POFUT3: variants seen among roughly 807,000 people sequenced by gnomAD.
The protein encoded by POFUT3 is protein O-fucosyltransferase 3.
chr8:33,397,370 G>A, the POFUT3 span, among the ~76,000 whole-genome samples: 1 of 152,154 alleles, frequency 6.6e-6, no homozygotes, highest in Non-Finnish European at 1.5e-5. Context: ...GCTCTTGGGG[G>A]TGAGTTAACC....
chr8:33,446,764 T>C, the POFUT3 span, among the ~76,000 whole-genome samples: 2 of 152,198 alleles, frequency 1.3e-5, no homozygotes, highest in Non-Finnish European at 2.9e-5. Flanking sequence ...ATTATAAGCA[T>C]GAATCTCCTA....
chr8:33,313,118 G>A, the POFUT3 span, among the ~76,000 whole-genome samples: 1 of 152,062 alleles, frequency 6.6e-6, no homozygotes, highest in Non-Finnish European at 1.5e-5. Flanking sequence ...TTTCTAATAG[G>A]TGAAAATCAT....
chr8:33,333,217 A>C, the POFUT3 span, among the ~76,000 whole-genome samples: 1 of 152,220 alleles, frequency 6.6e-6, no homozygotes, highest in Non-Finnish European at 1.5e-5. Flanking sequence ...GGACTTAAGC[A>C]AAAGGATCAG....
chr8:33,394,342 T>C, the POFUT3 span: 2 of 158,400 alleles, frequency 1.3e-5, no homozygotes, highest in African/African-American at 4.8e-5. Flanking sequence ...TTCCCATCCA[T>C]CCACTCAGGA....
the POFUT3 span, among the ~76,000 whole-genome samples, chr8:33,368,420 T>C: frequency 6.6e-6 from 1 of 152,194 alleles, no homozygotes; most frequent in African/African-American, 2.4e-5. Context: ...TGAGGCCACA[T>C]TTTACTAGTG....
chr8:33,458,841 T>G, the POFUT3 span, among the ~76,000 whole-genome samples: 1 of 152,172 alleles, frequency 6.6e-6, no homozygotes, highest in African/African-American at 2.4e-5. Flanking sequence ...AAGAGACACA[T>G]GTTGCCTCTC....
chr8:33,378,709 G>A, the POFUT3 span, among the ~76,000 whole-genome samples: 1 of 152,162 alleles, frequency 6.6e-6, no homozygotes, highest in Non-Finnish European at 1.5e-5. Context: ...AGCTGAGGGT[G>A]GAGGAGAAAT....
chr8:33,405,141 C>G, the POFUT3 span, among the ~76,000 whole-genome samples: 4 of 152,138 alleles, frequency 2.6e-5, no homozygotes, highest in South Asian at 8.3e-4. Flanking sequence ...CCCACCAGAC[C>G]AGAAGCCCTC....
chr8:33,334,075 CT>C, the POFUT3 span, among the ~76,000 whole-genome samples: 4 of 152,196 alleles, frequency 2.6e-5, no homozygotes, highest in Admixed American at 1.3e-4. Flanking sequence ...TAACTTTATT[CT>C]CTTGGCCAAC....
At chr8:33,341,330 G>A in the POFUT3 span, among the ~76,000 whole-genome samples, 4 of 151,480 alleles carry the variant, frequency 2.6e-5, no homozygotes, top group Non-Finnish European at 5.9e-5. Context: ...AGCTACTTGG[G>A]AGGATGAGGC....
the POFUT3 span, among the ~76,000 whole-genome samples, chr8:33,406,522 G>A: frequency 3.2e-4 from 48 of 152,000 alleles, no homozygotes; most frequent in Non-Finnish European, 5.1e-4. Context: ...CTGCAGCCTT[G>A]ACCTCCCAGG....
chr8:33,421,548 T>C, the POFUT3 span, among the ~76,000 whole-genome samples: 1 of 152,060 alleles, frequency 6.6e-6, no homozygotes, highest in Non-Finnish European at 1.5e-5. Context: ...AATGGGGAAA[T>C]GTGTCTGAGT....
the POFUT3 span, among the ~76,000 whole-genome samples, chr8:33,380,621 G>A: frequency 6.6e-6 from 1 of 151,866 alleles, no homozygotes; most frequent in African/African-American, 2.4e-5. Flanking sequence ...AGGATTGCTT[G>A]AGGTCAGAAG....
the POFUT3 span, among the ~76,000 whole-genome samples, chr8:33,409,530 A>G: frequency 6.6e-6 from 1 of 152,242 alleles, no homozygotes; most frequent in Non-Finnish European, 1.5e-5. Context: ...TGGAAAATGT[A>G]CAGATTCCTT....
At chr8:33,380,029 TATATATATACG>T in the POFUT3 span, among the ~76,000 whole-genome samples, 3,229 of 76,976 alleles carry the variant, frequency 0.042, 619 homozygotes, top group South Asian at 0.1. Context: ...ATATATATAC[TATATATATACG>T]ATATATATAC....
the POFUT3 span, chr8:33,461,509 G>A: frequency 5.6e-6 from 9 of 1,611,470 alleles, no homozygotes; most frequent in East Asian, 2.2e-5. Context: ...GTGTTCTCTC[G>A]TCAGCCCAGA....
the POFUT3 span, among the ~76,000 whole-genome samples, chr8:33,350,246 T>C: frequency 6.6e-6 from 1 of 152,216 alleles, no homozygotes; most frequent in Admixed American, 6.5e-5. Context: ...TCCTTTGCTG[T>C]GCAGAAGCTT....
chr8:33,329,393 G>A, the POFUT3 span, among the ~76,000 whole-genome samples: 2 of 152,196 alleles, frequency 1.3e-5, no homozygotes, highest in African/African-American at 4.8e-5. Flanking sequence ...AATTTTCTGA[G>A]ACAAAATCTA....
At chr8:33,362,562 G>T in the POFUT3 span, among the ~76,000 whole-genome samples, 1 of 151,264 alleles carries the variant, frequency 6.6e-6, no homozygotes, top group African/African-American at 2.4e-5. Context: ...AAAATAAAGG[G>T]ATGGAAGAAG....
Sources: allele counts gnomAD v4.1 joint callset (sites outside exome capture counted in the v4.1 genomes callset), GRCh38; gene constraint gnomAD v4.1.1; transcripts MANE v1.5; gene names NCBI Gene and HGNC (gene_info 2026-07-23, HGNC 2026-07-21).